The following AKAP13 variants were observed in gnomAD, a reference collection of about 807,000 sequenced individuals.
The protein encoded by AKAP13 is A-kinase anchoring protein 13.
AKAP13 carries 80 observed loss-of-function variants against 264.5 expected under a neutral mutation model. That is an observed-to-expected ratio of 0.30 (90% CI 0.25 to 0.36). The LOEUF (loss-of-function observed/expected upper bound fraction) is 0.36. AKAP13 is among the 10% of genes least tolerant of loss of function. AKAP13 has a pLI of 1.00. For missense variants in AKAP13, 3,712 were observed against 3,435.2 expected (o/e 1.08, Z -2.01); for synonymous variants, 1,380 against 1,250.2 (o/e 1.10, Z -2.19).
intron 25 of AKAP13, 36 bp downstream of exon 25, chr15:85,722,383 T>C (rs2087340423): frequency 1.3e-6 from 2 of 1,538,674 alleles, no homozygotes; most frequent in African/African-American, 1.4e-5. Context: ...TGTATGGTCA[T>C]GGACTGTTTC....
chr15:85,674,880 T>A (rs1047206281), intron 14 of AKAP13, among the ~76,000 whole-genome samples: 26 of 152,206 alleles, frequency 1.7e-4, no homozygotes, highest in African/African-American at 5.1e-4. Context: ...ATATATATTC[T>A]TAGCACAGTT....
chr15:85,459,335 G>A (rs1023507736), intron 1 of AKAP13, among the ~76,000 whole-genome samples: 4 of 149,798 alleles, frequency 2.7e-5, no homozygotes, highest in Non-Finnish European at 5.9e-5. Flanking sequence ...ACAGGTGCCC[G>A]CCACCACGCC....
intron 1 of AKAP13, among the ~76,000 whole-genome samples, chr15:85,459,111 G>A (rs1433444443): frequency 6.6e-6 from 1 of 152,158 alleles, no homozygotes; most frequent in Non-Finnish European, 1.5e-5. Context: ...GTCACAAACT[G>A]TTATCCTTTG....
At chr15:85,388,232 A>G (rs994133797) in intron 1 of AKAP13, among the ~76,000 whole-genome samples, 2 of 150,442 alleles carry the variant, frequency 1.3e-5, no homozygotes, top group African/African-American at 4.9e-5. Context: ...TTAAGTGGAG[A>G]CTGGGTTTCA....
chr15:85,673,284 G>C lies in AKAP13; in HGVS notation c.5101+3454G>C, dbSNP rs76598427. ...AAATATTTCTGTATCACTTTCTGGG[G>C]TGGAGAGTAGGCAAGCAGTAGCTTC... On this transcript the variant is annotated intron_variant, in intron 14 of 36. Coordinates refer to ENST00000394518, the MANE Select transcript of AKAP13 (RefSeq NM_007200.5). Among the ~76,000 whole-genome samples the C allele has an allele frequency of 4.5e-3, 686 of 152,300 alleles. 4 individuals carry two copies. Among genetic ancestry groups the C allele is most frequent in the African/African-American group, 0.016 (660 of 41,560 alleles).
intron 33 of AKAP13, among the ~76,000 whole-genome samples, chr15:85,736,691 T>C (rs1038027962): frequency 1.3e-5 from 2 of 152,054 alleles, no homozygotes; most frequent in Non-Finnish European, 2.9e-5. Flanking sequence ...AGCCATCTTA[T>C]CCAGCGCTTC....
chr15:85,689,885 C>T (rs1002395116), intron 16 of AKAP13: 2 of 152,280 alleles, frequency 1.3e-5, no homozygotes, highest in African/African-American at 4.8e-5. Flanking sequence ...CAAGCAGCCT[C>T]AGCCCTCCCT....
chr15:85,473,386 A>G (rs563727515), intron 1 of AKAP13, among the ~76,000 whole-genome samples: 5 of 152,348 alleles, frequency 3.3e-5, no homozygotes, highest in Admixed American at 1.3e-4. Context: ...AAATAATTCA[A>G]TTCAGCAAAT....
At chr15:85,498,530 C>T (rs1404710981) in intron 2 of AKAP13, among the ~76,000 whole-genome samples, 2 of 151,966 alleles carry the variant, frequency 1.3e-5, no homozygotes, top group Admixed American at 6.6e-5. Flanking sequence ...AACTTTTGCT[C>T]TTCCCATTTC....
chr15:85,396,901 CTTTTTTTTTTTT>C (rs34499592), intron 1 of AKAP13, among the ~76,000 whole-genome samples: 1 of 114,630 alleles, frequency 8.7e-6, no homozygotes, highest in African/African-American at 3.2e-5. Context: ...GTATGTTAGA[CTTTTTTTTTTTT>C]TTTTTTTTTA....
chr15:85,735,690 T>A (rs2088419145), intron 32 of AKAP13, 60 bp downstream of exon 32: 1 of 1,460,438 alleles, frequency 6.8e-7, no homozygotes, highest in African/African-American at 1.4e-5. Flanking sequence ...ATTCATAACC[T>A]TTGAAATTAT....
intron 8 of AKAP13, among the ~76,000 whole-genome samples, chr15:85,587,333 T>C (rs1159675760): frequency 6.6e-6 from 1 of 152,260 alleles, no homozygotes; most frequent in Non-Finnish European, 1.5e-5. Flanking sequence ...CTGGCTTCTT[T>C]CACTTAGCGT....
At chr15:85,496,043 C>T (rs763331462) in intron 2 of AKAP13, among the ~76,000 whole-genome samples, 3 of 152,194 alleles carry the variant, frequency 2.0e-5, no homozygotes, top group African/African-American at 4.8e-5. Flanking sequence ...AGAACCTACT[C>T]TTGGCAAGGA....
At chr15:85,599,030 C>G (rs192968353) in intron 8 of AKAP13, among the ~76,000 whole-genome samples, 1 of 152,282 alleles carries the variant, frequency 6.6e-6, no homozygotes, top group African/African-American at 2.4e-5. Flanking sequence ...TCCCAGGAGT[C>G]ATTAGGTTTC....
intron 2 of AKAP13, 65 bp downstream of exon 2, chr15:85,485,818 G>A (rs2075523702): frequency 6.7e-7 from 1 of 1,493,680 alleles, no homozygotes; most frequent in African/African-American, 1.4e-5. Context: ...GTTATAATAA[G>A]CCACACTCTC....
At chr15:85,704,041 TAGG>T (rs1419123895) in intron 17 of AKAP13, among the ~76,000 whole-genome samples, 1 of 152,196 alleles carries the variant, frequency 6.6e-6, no homozygotes, top group Non-Finnish European at 1.5e-5. Flanking sequence ...GTTGAAATGA[TAGG>T]AGAAAGTTGT....
At position 85,723,178 on chromosome 15, in the gene AKAP13, C is replaced by G. The variant is rs551515034; in HGVS notation, c.6603C>G (p.Leu2201=). The G allele has an allele frequency of 6.2e-7, 1 of 1,614,114 alleles. No homozygotes were observed. ...CAAGTTATGAAAAGAAAGTGCGTCT[C>G]AATGAGATTTATACAAAGACAGATA... ...KVASYEKKVR[L]NEIYTKTDSK... Residue 2201 remains leucine, a synonymous_variant, in exon 26 of 37, where the codon CTC becomes CTG. Coordinates refer to ENST00000394518, the MANE Select transcript of AKAP13 (RefSeq NM_007200.5).
chr15:85,503,856 A>G (rs1375674614), intron 2 of AKAP13, among the ~76,000 whole-genome samples: 1 of 152,224 alleles, frequency 6.6e-6, no homozygotes, highest in African/African-American at 2.4e-5. Context: ...ACATGTGTTC[A>G]TGAATTCTCA....
chr15:85,469,802 T>A (rs185935174), intron 1 of AKAP13, among the ~76,000 whole-genome samples: 1 of 152,368 alleles, frequency 6.6e-6, no homozygotes, highest in African/African-American at 2.4e-5. Flanking sequence ...ACTCCAGTTT[T>A]ACAATCTACA....
Sources: gnomAD v4.1 joint callset for allele counts (sites outside exome capture counted in the v4.1 genomes callset) on GRCh38, gnomAD v4.1.1 for gene constraint, MANE v1.5 for transcripts, NCBI Gene and HGNC (gene_info 2026-07-23, HGNC 2026-07-21) for gene names.